Variants in NPRL3 observed in about 807,000 individuals in gnomAD.
NPRL3 encodes GATOR1 complex protein NPRL3.
In NPRL3, 23 loss-of-function variants were observed where a neutral mutation model predicts 57.2. That is an observed-to-expected ratio of 0.40 (90% CI 0.29 to 0.57). The LOEUF is 0.57. Among genes scored for constraint, NPRL3 ranks in the 20% least tolerant of loss-of-function variants. The pLI is 0.42. For synonymous variants in NPRL3, 333 were observed against 321.1 expected, an observed-to-expected ratio of 1.04 and a Z score of -0.39; for missense variants, 691 against 767.1, an observed-to-expected ratio of 0.90 and a Z score of 1.17.
chr16:96,974 C>G (rs1406192436), intron 9 of NPRL3, among the ~76,000 whole-genome samples: 1 of 152,010 alleles, frequency 6.6e-6, no homozygotes, highest in African/African-American at 2.4e-5. Flanking sequence ...AAGCAGAGAC[C>G]TGTTTCACAG....
At chr16:93,166 G>C in intron 10 of NPRL3, 53 bp downstream of exon 10, 1 of 1,207,180 alleles carries the variant, frequency 8.3e-7, no homozygotes. Context: ...GGCCCTGCCA[G>C]CCTCACCCCT....
chr16:134,691 A>ATTTTTTTTTT (rs765141529), intron 2 of NPRL3, among the ~76,000 whole-genome samples: 6 of 108,498 alleles, frequency 5.5e-5, no homozygotes, highest in African/African-American at 1.9e-4. Context: ...AGTAATTATT[A>ATTTTTTTTTT]TTATTTTTTT....
At chr16:134,691 A>AT (rs765141529) in intron 2 of NPRL3, among the ~76,000 whole-genome samples, 126 of 108,480 alleles carry the variant, frequency 1.2e-3, no homozygotes, top group African/African-American at 3.7e-3. Flanking sequence ...AGTAATTATT[A>AT]TTATTTTTTT....
intron 12 of NPRL3, 59 bp from the exon 13 acceptor site, chr16:88,949 C>T (rs547905560): frequency 1.3e-5 from 19 of 1,518,116 alleles, no homozygotes; most frequent in East Asian, 7.0e-5. Context: ...AGGGGAACAG[C>T]GAGGGCAGAG....
rs186859701 is a variant in NPRL3 at position 110,557 on chromosome 16, C to G, written c.597G>C (p.Lys199Asn). The part of the protein sequence containing the change: ...SPFHHILPKC[K>N]LARDLKEAYD... ...AAGCTTCCTTGAGGTCCCTGGCCAG[C>G]TTGCACTTGGGCAGGATGTGATGGA... Residue 199 changes from lysine to asparagine, a missense_variant, in exon 7 of 14, where the codon AAG becomes AAC. Transcript: ENST00000611875. 40 of 1,612,330 alleles carry G rather than the reference C, an allele frequency of 2.5e-5. No homozygotes were observed. In the African/African-American group the frequency reaches 5.2e-4, roughly 21 times the overall value.
rs963154371 is a variant in NPRL3, at chr16:86,630, CGGGGGGAGCCCTGG to C, written c.*61_*74del. 2.7e-5 allele frequency: 38 copies of C among 1,430,324 alleles called. No homozygotes were observed. The African/African-American group carries it at 4.8e-4, about 18-fold the overall frequency. The allele number at this position is 1,430,324 out of a possible 1,614,324, so 88.6% of individuals were successfully genotyped here. On this transcript the variant is annotated 3_prime_UTR_variant, in exon 14 of 14. Coordinates refer to ENST00000611875, the MANE Select transcript of NPRL3 (RefSeq NM_001077350.3). ...GGGCCAAGAGGGCTCAGCCTCAGCA[CGGGGGGAGCCCTGG>C]GGTGGGGAGACGCGAGCGCCCACCT... is the stretch of plus-strand genomic sequence containing the variant.
intron 2 of NPRL3, among the ~76,000 whole-genome samples, chr16:137,310 A>C (rs1019297196): frequency 1.3e-5 from 2 of 152,266 alleles, no homozygotes; most frequent in African/African-American, 4.8e-5. Context: ...GGAAGGCAGC[A>C]GCCTGCAGCC....
At chr16:128,916 G>A (rs186491604) in intron 3 of NPRL3, among the ~76,000 whole-genome samples, 2 of 152,322 alleles carry the variant, frequency 1.3e-5, no homozygotes, top group Admixed American at 6.5e-5. Flanking sequence ...GAGCCCCTAA[G>A]GGTATGAACC....
In NPRL3 at chr16:88,471, C is replaced by T. The variant is rs147012979; in HGVS notation, c.1544+227G>A. On this transcript the variant is annotated intron_variant, in intron 13 of 13. Transcript: ENST00000611875. ...AAGAAGTACTGGAGAGAGAAGAGTC[C>T]GAAAAATAGGCATGCCAGGCCCATG... Among the ~76,000 whole-genome samples, 41 of 152,040 alleles carry T rather than the reference C, an allele frequency of 2.7e-4. No individual in the cohort carries two copies. The East Asian group carries it at 6.0e-3, about 22-fold the overall frequency.
In NPRL3 at chr16:89,879, C is replaced by T; in HGVS notation, c.1185G>A (p.Val395=). ...TGAGAAGCCGGCGCTGCAGCATCCA[C>T]ACCACCATCTGGATGAGCTGGGTCT... ...VQETQLIQMV[V]WMLQRRLLIQ... Residue 395 remains valine, a synonymous_variant, in exon 12 of 14, where the codon GTG becomes GTA. Coordinates refer to ENST00000611875, the MANE Select transcript of NPRL3 (RefSeq NM_001077350.3). The T allele has an allele frequency of 6.4e-7, 1 of 1,554,798 alleles. No individual in the cohort carries two copies. Among genetic ancestry groups the T allele is most frequent in the East Asian group, 2.4e-5 (1 of 41,106 alleles).
At chr16:113,625 C>T (rs1899911357) in intron 5 of NPRL3, among the ~76,000 whole-genome samples, 1 of 152,218 alleles carries the variant, frequency 6.6e-6, no homozygotes, top group Non-Finnish European at 1.5e-5. Flanking sequence ...CCAACCATGA[C>T]TCAGTGCTTC....
rs373810625 is a variant in NPRL3, at chr16:86,662, G to A, written c.*43C>T. 5.1e-4 allele frequency: 768 copies of A among 1,515,482 alleles called. 5 individuals carry two copies. The African/African-American group carries it at 9.7e-3, about 19-fold the overall frequency. The allele number at this position is 1,515,482 out of a possible 1,614,324, so 93.9% of individuals were successfully genotyped here. On this transcript the variant is annotated 3_prime_UTR_variant, in exon 14 of 14. Coordinates refer to ENST00000611875, the MANE Select transcript of NPRL3 (RefSeq NM_001077350.3). ...AGCCCTGGGGTGGGGAGACGCGAGC[G>A]CCCACCTGCGCACCCCAGCAGCCTT...
intron 11 of NPRL3, among the ~76,000 whole-genome samples, chr16:92,273 C>T (rs1213836556): frequency 3.3e-5 from 5 of 152,172 alleles, no homozygotes; most frequent in African/African-American, 1.2e-4. Context: ...GGGTACAAGG[C>T]AGGTCTGTAG....
At chr16:128,027 T>C (rs558301267) in intron 3 of NPRL3, among the ~76,000 whole-genome samples, 20 of 151,144 alleles carry the variant, frequency 1.3e-4, no homozygotes, top group Non-Finnish European at 2.5e-4. Flanking sequence ...ACTCTCGTTC[T>C]GTTGCCCAAA....
chr16:130,958 AT>A (rs1414333702), intron 2 of NPRL3, among the ~76,000 whole-genome samples: 3 of 152,222 alleles, frequency 2.0e-5, no homozygotes, highest in Non-Finnish European at 4.4e-5. Context: ...GATAGCGGTA[AT>A]GGCTGCACAC....
At chr16:134,080 G>C (rs767212716) in intron 2 of NPRL3, among the ~76,000 whole-genome samples, 1 of 152,094 alleles carries the variant, frequency 6.6e-6, no homozygotes, top group African/African-American at 2.4e-5. Context: ...TTGAAATACT[G>C]CAAGAATTAC....
intron 7 of NPRL3, among the ~76,000 whole-genome samples, chr16:103,296 A>ATTGTTTTTTT (rs1899381111): frequency 2.4e-5 from 1 of 42,110 alleles, no homozygotes; most frequent in African/African-American, 1.0e-4. Flanking sequence ...GCCTGGGGTG[A>ATTGTTTTTTT]TTTTTTTTTT....
At chr16:109,779 G>C (rs1272263700) in intron 7 of NPRL3, among the ~76,000 whole-genome samples, 1 of 152,206 alleles carries the variant, frequency 6.6e-6, no homozygotes, top group African/African-American at 2.4e-5. Flanking sequence ...AACAGGTGGG[G>C]AATGGGATCT....
In NPRL3 at chr16:86,773, G is replaced by A. The variant is rs193221958; in HGVS notation, c.1642C>T (p.Arg548Cys). The A allele has an allele frequency of 1.5e-5, 24 of 1,602,518 alleles. No individual in the cohort carries two copies. The East Asian group carries it at 2.7e-4, about 18-fold the overall frequency. Residue 548 changes from arginine (R) to cysteine (C), a missense_variant, in exon 14 of 14, where the codon CGC (arginine) becomes TGC (cysteine). Arg to Cys is a radical substitution (Grantham distance 180, BLOSUM62 -3). Coordinates refer to ENST00000611875, the MANE Select transcript of NPRL3 (RefSeq NM_001077350.3). Reference sequence around the variant, plus strand: ...TGGGTGGTCACCACCAGCACGCTGCGGAACTTGTCAAACAGCATGAGCAGC... The same window carrying A: ...TGGGTGGTCACCACCAGCACGCTGCAGAACTTGTCAAACAGCATGAGCAGC... The part of the protein sequence containing the change: ...SQLLMLFDKF[R>C]SVLVVTTHED...
Sources: gnomAD v4.1 joint callset for allele counts (sites outside exome capture counted in the v4.1 genomes callset) on GRCh38, gnomAD v4.1.1 for gene constraint, MANE v1.5 for transcripts, NCBI Gene and HGNC (gene_info 2026-07-23, HGNC 2026-07-21) for gene names.